EPS15: variants seen among roughly 807,000 people sequenced by gnomAD.
EPS15 encodes epidermal growth factor receptor pathway substrate 15, also known as epidermal growth factor receptor substrate 15.
A neutral mutation model predicts 113.8 loss-of-function variants in EPS15; 72 were observed. The observed-to-expected ratio is 0.63, with a 90% CI of 0.52 to 0.77. The LOEUF (loss-of-function observed/expected upper bound fraction) is 0.77. Ranked by LOEUF, EPS15 falls within the 30% of genes least tolerant of loss-of-function variation. The pLI is 0.00. For missense variants in EPS15, 1,048 were observed against 1,045.8 expected (o/e 1.00, Z -0.03); for synonymous variants, 344 against 363.4 (o/e 0.95, Z 0.61).
intron 1 of EPS15, among the ~76,000 whole-genome samples, chr1:51,496,436 G>T (rs758536693): frequency 6.6e-6 from 1 of 152,124 alleles, no homozygotes; most frequent in Non-Finnish European, 1.5e-5. Flanking sequence ...TTAGTTGTAA[G>T]TGCCACCTTC....
chr1:51,428,274 G>A (rs1651393404), intron 12 of EPS15, among the ~76,000 whole-genome samples: 1 of 152,134 alleles, frequency 6.6e-6, no homozygotes, highest in Non-Finnish European at 1.5e-5. Flanking sequence ...ATGAAAGGAT[G>A]CTAGACAGTA....
intron 5 of EPS15, among the ~76,000 whole-genome samples, chr1:51,467,843 C>A (rs1171360876): frequency 6.6e-6 from 1 of 152,154 alleles, no homozygotes; most frequent in African/African-American, 2.4e-5. Context: ...CCATCCATCC[C>A]TCCCAGGTCC....
chr1:51,516,032 T>C (rs12735226), intron 1 of EPS15, among the ~76,000 whole-genome samples: 8,782 of 152,228 alleles, frequency 0.058, 341 homozygotes, highest in Non-Finnish European at 0.086. Flanking sequence ...TACATGCTTT[T>C]TTTCTAATCT....
chr1:51,518,799 C>CGCGA (rs1240090317), intron 1 of EPS15, among the ~76,000 whole-genome samples: 1 of 151,012 alleles, frequency 6.6e-6, no homozygotes, highest in East Asian at 1.9e-4. Flanking sequence ...GGCCGGCCCG[C>CGCGA]GCGAGCTCAA....
At chr1:51,426,736 G>A (rs1651225100) in intron 12 of EPS15, among the ~76,000 whole-genome samples, 2 of 151,752 alleles carry the variant, frequency 1.3e-5, no homozygotes, top group South Asian at 2.1e-4. Context: ...ACTCTTCACT[G>A]GGTCTCCAGC....
In EPS15 at chr1:51,354,569, T is replaced by C. The variant is rs1646176787; in HGVS notation, c.*2131A>G. The stretch of plus-strand genomic sequence containing the variant: ...AAGACATTTAAAACTTTGTAAGTAG[T>C]GCCACTTAGCTCTGGGCAATACTTA... On this transcript the variant is annotated 3_prime_UTR_variant, in exon 25 of 25. Transcript: ENST00000371733. The C allele has an allele frequency of 5.4e-6, 1 of 186,426 alleles. No individual in the cohort carries two copies. Among genetic ancestry groups the C allele is most frequent in the Admixed American group, 6.2e-5 (1 of 16,130 alleles). 11.5% of individuals were successfully genotyped at this position (186,426 alleles called of 1,614,324 possible).
intron 4 of EPS15, among the ~76,000 whole-genome samples, chr1:51,470,214 G>C (rs1013235508): frequency 6.6e-6 from 1 of 152,144 alleles, no homozygotes; most frequent in African/African-American, 2.4e-5. Context: ...TCCATAATAG[G>C]GGGGCTAATA....
chr1:51,403,935 T>C (rs1053220746), intron 16 of EPS15, among the ~76,000 whole-genome samples: 3 of 152,234 alleles, frequency 2.0e-5, no homozygotes, highest in African/African-American at 7.2e-5. Flanking sequence ...CTTCTCCTTA[T>C]TGTAGCCAAA....
intron 4 of EPS15, among the ~76,000 whole-genome samples, chr1:51,471,428 T>C (rs759560850): frequency 6.6e-6 from 1 of 152,150 alleles, no homozygotes; most frequent in Admixed American, 6.5e-5. Flanking sequence ...CCTATGTAAC[T>C]AGGAAAATTA....
intron 21 of EPS15, among the ~76,000 whole-genome samples, chr1:51,371,005 T>C (rs1413352239): frequency 2.0e-5 from 3 of 152,076 alleles, no homozygotes; most frequent in African/African-American, 7.2e-5. Flanking sequence ...AACTTCCACC[T>C]CCCGGGTTAA....
chr1:51,496,354 A>G (rs553851412), intron 1 of EPS15, among the ~76,000 whole-genome samples: 2 of 152,320 alleles, frequency 1.3e-5, no homozygotes, highest in East Asian at 3.9e-4. Context: ...AAGCTCTTTC[A>G]TATGAATTGT....
chr1:51,499,033 C>T (rs11808604), intron 1 of EPS15, among the ~76,000 whole-genome samples: 11,629 of 152,196 alleles, frequency 0.076, 509 homozygotes, highest in Middle Eastern at 0.089. Context: ...CCCTTTTACG[C>T]CCTTCTACCA....
At chr1:51,419,984 A>C (rs897971045) in intron 13 of EPS15, among the ~76,000 whole-genome samples, 1 of 152,142 alleles carries the variant, frequency 6.6e-6, no homozygotes, top group Non-Finnish European at 1.5e-5. Flanking sequence ...ATAAATAATG[A>C]ATCTACTAAC....
chr1:51,371,368 CA>C (rs1646646369), intron 21 of EPS15, among the ~76,000 whole-genome samples: 1 of 152,070 alleles, frequency 6.6e-6, no homozygotes, highest in African/African-American at 2.4e-5. Flanking sequence ...AAAGACCTTC[CA>C]GGGGGACAAG....
At chr1:51,381,273 G>A (rs1220744384) in intron 21 of EPS15, among the ~76,000 whole-genome samples, 1 of 152,244 alleles carries the variant, frequency 6.6e-6, no homozygotes. Context: ...AACTCTTAAT[G>A]AATTTTAAAA....
At position 51,468,485 on chromosome 1, in the gene EPS15, A is replaced by T. The variant is rs1336076680; in HGVS notation, c.297T>A (p.Pro99=). Residue 99 remains proline, a synonymous_variant, in exon 5 of 25, where the codon CCT becomes CCA. Transcript: ENST00000371733. ...AAGCATTTCTTACAAATCTTGGTGGAGGAACAGCCAGGTTCAAACTACTTA... is the reference window on the plus strand; with the variant it reads ...AAGCATTTCTTACAAATCTTGGTGGTGGAACAGCCAGGTTCAAACTACTTA... The part of the protein sequence containing the change: ...VSLSSLNLAV[P]PPRFHDTSSP... The T allele has an allele frequency of 6.2e-6, 10 of 1,605,360 alleles. No homozygotes were observed. In the Admixed American group the frequency reaches 1.7e-4, roughly 27 times the overall value.
At chr1:51,357,428 T>TATA (rs1557761744) in intron 24 of EPS15, among the ~76,000 whole-genome samples, 130 of 65,440 alleles carry the variant, frequency 2.0e-3, no homozygotes, top group Non-Finnish European at 3.3e-3. Flanking sequence ...ATATATATAT[T>TATA]TTTTTTTTTT....
intron 8 of EPS15, among the ~76,000 whole-genome samples, chr1:51,452,972 A>G (rs1261469632): frequency 6.6e-6 from 1 of 152,222 alleles, no homozygotes; most frequent in Non-Finnish European, 1.5e-5. Context: ...CTGTTTGTCC[A>G]GGAACCACAC....
chr1:51,454,466 T>G (rs1473934899), intron 8 of EPS15, among the ~76,000 whole-genome samples: 1 of 152,242 alleles, frequency 6.6e-6, no homozygotes, highest in African/African-American at 2.4e-5. Flanking sequence ...TCAATAGTGA[T>G]GTCACATGGA....
Sources: gnomAD v4.1 joint callset for allele counts (sites outside exome capture counted in the v4.1 genomes callset) on GRCh38, gnomAD v4.1.1 for gene constraint, MANE v1.5 for transcripts, NCBI Gene and HGNC (gene_info 2026-07-23, HGNC 2026-07-21) for gene names.